Variants in BLTP1 observed in about 807,000 individuals in gnomAD.
BLTP1 encodes the protein bridge-like lipid transfer protein family member 1.
chr4:122,195,647 A>G, the BLTP1 span: 3 of 685,218 alleles, frequency 4.4e-6, no homozygotes, highest in South Asian at 2.0e-4. Flanking sequence ...TGCCCTTCTC[A>G]TTATGTCCTC....
At chr4:122,324,095 C>T in the BLTP1 span, among the ~76,000 whole-genome samples, 1 of 151,994 alleles carries the variant, frequency 6.6e-6, no homozygotes, top group African/African-American at 2.4e-5. Context: ...TCTCCCAAAA[C>T]TTTAATTCTC....
the BLTP1 span, among the ~76,000 whole-genome samples, chr4:122,342,304 G>A: frequency 6.6e-6 from 1 of 151,862 alleles, no homozygotes; most frequent in Non-Finnish European, 1.5e-5. Flanking sequence ...GAAGGATGAC[G>A]GATAACTCCC....
the BLTP1 span, chr4:122,341,777 A>G: frequency 1.0e-6 from 1 of 985,286 alleles, no homozygotes; most frequent in African/African-American, 1.7e-5. Context: ...TGTGGTCCAT[A>G]CTTACTAATG....
chr4:122,343,725 CCT>C, the BLTP1 span: 1 of 1,148,288 alleles, frequency 8.7e-7, no homozygotes, highest in Non-Finnish European at 1.2e-6. Flanking sequence ...TTGTATTTTT[CCT>C]CTTTGATAAT....
At chr4:122,292,172 T>C in the BLTP1 span, 33 of 179,496 alleles carry the variant, frequency 1.8e-4, no homozygotes, top group African/African-American at 7.4e-4. Context: ...GGTTTCACCA[T>C]GTTGGCCAGG....
chr4:122,352,847 C>T, the BLTP1 span: 3 of 1,584,758 alleles, frequency 1.9e-6, no homozygotes, highest in Non-Finnish European at 2.6e-6. Context: ...TCACTCTACC[C>T]TATCCAAGGG....
chr4:122,250,048 A>T, the BLTP1 span: 1 of 853,028 alleles, frequency 1.2e-6, no homozygotes, highest in Non-Finnish European at 1.4e-6. Context: ...TTATTCAGCG[A>T]AAAATATCTA....
the BLTP1 span, chr4:122,226,380 A>G: frequency 5.9e-6 from 6 of 1,017,080 alleles, no homozygotes; most frequent in East Asian, 1.9e-4. Context: ...CTATGTGGAG[A>G]TTTCAGTTAG....
chr4:122,357,633 TCTAA>T, the BLTP1 span, among the ~76,000 whole-genome samples: 1 of 151,958 alleles, frequency 6.6e-6, no homozygotes, highest in Non-Finnish European at 1.5e-5. Context: ...TATAGTACTC[TCTAA>T]CTGTTTAAAA....
the BLTP1 span, chr4:122,178,099 A>G: frequency 2.2e-5 from 19 of 872,198 alleles, no homozygotes; most frequent in East Asian, 2.2e-3. Context: ...ACATTGAGAA[A>G]CATCTTATAG....
chr4:122,210,819 GA>G, the BLTP1 span: 2 of 1,558,774 alleles, frequency 1.3e-6, no homozygotes, highest in Non-Finnish European at 1.7e-6. Context: ...TTTCCTTGAA[GA>G]TCTTCCAAGA....
chr4:122,355,718 T>C, the BLTP1 span: 9 of 1,427,412 alleles, frequency 6.3e-6, no homozygotes, highest in Middle Eastern at 1.9e-4. Context: ...CTGTATATTA[T>C]AGTTGTCTTG....
the BLTP1 span, chr4:122,197,448 A>C: frequency 1.2e-6 from 1 of 820,542 alleles, no homozygotes; most frequent in East Asian, 1.2e-4. Context: ...GAGCATTTAG[A>C]GAAAAGGGAA....
the BLTP1 span, chr4:122,287,802 C>G: frequency 1.6e-6 from 1 of 637,208 alleles, no homozygotes; most frequent in Non-Finnish European, 2.0e-6. Flanking sequence ...TGTTCAGATT[C>G]TAACAAGTCA....
chr4:122,173,114 T>C, the BLTP1 span: 46 of 1,610,782 alleles, frequency 2.9e-5, no homozygotes, highest in Non-Finnish European at 3.8e-5. Flanking sequence ...TTAACACTAG[T>C]TCTTAACAGA....
chr4:122,209,443 G>A, the BLTP1 span: 36 of 1,124,780 alleles, frequency 3.2e-5, no homozygotes, highest in Admixed American at 5.0e-5. Flanking sequence ...TCAGGAGTTC[G>A]AGACCAGCCT....
chr4:122,254,338 A>G, the BLTP1 span: 1 of 1,603,694 alleles, frequency 6.2e-7, no homozygotes, highest in Non-Finnish European at 8.5e-7. Context: ...ACACACATGC[A>G]TTTTCTAGGT....
At chr4:122,172,906 A>T in the BLTP1 span, 4 of 1,538,574 alleles carry the variant, frequency 2.6e-6, no homozygotes, top group Non-Finnish European at 2.6e-6. Flanking sequence ...ATTATGAATG[A>T]AGAAGAGGAA....
chr4:122,153,059 G>A, the BLTP1 span: 1 of 983,648 alleles, frequency 1.0e-6, no homozygotes, highest in African/African-American at 1.7e-5. Flanking sequence ...GGTGCTTGCT[G>A]CACTGCACTC....
Sources: gnomAD v4.1 joint callset for allele counts (sites outside exome capture counted in the v4.1 genomes callset) on GRCh38, gnomAD v4.1.1 for gene constraint, MANE v1.5 for transcripts, NCBI Gene and HGNC (gene_info 2026-07-23, HGNC 2026-07-21) for gene names.